PTPRQ: variants seen among roughly 807,000 people sequenced by gnomAD.
The protein encoded by PTPRQ is phosphatidylinositol phosphatase PTPRQ.
Under a neutral mutation model 246.0 loss-of-function variants are expected in PTPRQ, and 199 were observed. The ratio of observed to expected loss-of-function variants is 0.81; its 90% CI spans 0.72 to 0.91. The LOEUF is 0.91. Among genes scored for constraint, PTPRQ ranks in the 40% least tolerant of loss-of-function variants. The probability of loss-of-function intolerance (pLI) is 0.00; values close to 1 mark genes in which losing one functional copy is unlikely to be tolerated. For synonymous variants in PTPRQ, 869 were observed against 853.2 expected (o/e 1.02, Z -0.32); for missense variants, 2,624 against 2,528.4 (o/e 1.04, Z -0.81).
At chr12:80,582,431 G>GAT (rs1254064404) in intron 25 of PTPRQ, among the ~76,000 whole-genome samples, 1 of 152,156 alleles carries the variant, frequency 6.6e-6, no homozygotes, top group African/African-American at 2.4e-5. Flanking sequence ...CTCCCTGTGT[G>GAT]ATGCTATTAG....
intron 17 of PTPRQ, among the ~76,000 whole-genome samples, chr12:80,514,852 C>T (rs960867309): frequency 1.4e-5 from 2 of 146,470 alleles, no homozygotes; most frequent in Non-Finnish European, 3.0e-5. Context: ...ATGGATGACT[C>T]AGTGGAAAAG....
rs1044039018 is a variant in PTPRQ at position 80,459,458 on chromosome 12, T to C, written c.635T>C (p.Leu212Ser). The C allele has an allele frequency of 7.5e-6, 3 of 398,376 alleles. No individual in the cohort carries two copies. Among genetic ancestry groups the C allele is most frequent in the African/African-American group, 6.2e-5 (3 of 48,640 alleles). The allele number at this position is 398,376 out of a possible 1,614,324, so 24.7% of individuals were successfully genotyped here. A position where few individuals can be genotyped will look rare whatever the true frequency, so the allele number is the denominator to read the frequency against. The change falls in exon 5 of 45, where the codon TTG becomes TCG. Residue 212 changes from leucine to serine, a missense_variant. Leu to Ser is a moderately radical substitution (Grantham distance 145, BLOSUM62 -2). Transcript: ENST00000644991. The part of the protein sequence containing the change: ...KDVSIRVEDI[L>S]TGKLPECNEN... ...GTCTCAATCAGAGTAGAGGACATTT[T>C]GACTGGGAAATTGCCAGAATGCAAT...
rs116994368 is a variant in PTPRQ at position 80,524,666 on chromosome 12, G to A, written c.2679-9349G>A. ...CTTAGGATTGTATTTTTAGCTTACC[G>A]TGTACTAGTTACCATTTTGAGACAA... On this transcript the variant is annotated intron_variant, in intron 17 of 44. Transcript: ENST00000644991. Among the ~76,000 whole-genome samples, 1,255 of 152,022 alleles carry A rather than the reference G, an allele frequency of 8.3e-3. 12 individuals carry two copies. The highest frequency in any genetic ancestry group is 0.027 in the Middle Eastern group (8 of 294).
At chr12:80,498,379 G>T (rs1894693146) in intron 14 of PTPRQ, among the ~76,000 whole-genome samples, 1 of 151,988 alleles carries the variant, frequency 6.6e-6, no homozygotes, top group African/African-American at 2.4e-5. Context: ...AAAATGGAGG[G>T]TTTGAGAGGT....
intron 17 of PTPRQ, among the ~76,000 whole-genome samples, chr12:80,523,279 G>A (rs1215543990): frequency 6.6e-6 from 1 of 151,900 alleles, no homozygotes; most frequent in South Asian, 2.1e-4. Context: ...TCTTGCTAGT[G>A]GTCTATCAAT....
intron 19 of PTPRQ, among the ~76,000 whole-genome samples, chr12:80,536,094 G>C (rs535782328): frequency 6.6e-6 from 1 of 152,004 alleles, no homozygotes; most frequent in Non-Finnish European, 1.5e-5. Flanking sequence ...GCGAGAGAGC[G>C]AGACTCCATC....
At chr12:80,597,630 G>T (rs1451685331) in intron 26 of PTPRQ, among the ~76,000 whole-genome samples, 2 of 151,934 alleles carry the variant, frequency 1.3e-5, no homozygotes, top group East Asian at 3.9e-4. Context: ...TCTAAGAGTT[G>T]TAATCATTGG....
In PTPRQ at chr12:80,468,761, C is replaced by A. The variant is rs1592544219; in HGVS notation, c.962C>A (p.Ser321Tyr). ...GTAACAGGCAACATCACAGGAAAGTCCTTTTCAATTTTATGGGACCCACCA... is the reference window on the plus strand; with the variant it reads ...GTAACAGGCAACATCACAGGAAAGTACTTTTCAATTTTATGGGACCCACCA... ...NCVTGNITGK[S>Y]FSILWDPPTI... The change falls in exon 7 of 45, where the codon TCC (serine) becomes TAC (tyrosine). Residue 321 changes from serine to tyrosine, a missense_variant. Ser to Tyr is a moderately radical substitution (Grantham distance 144). Transcript: ENST00000644991. 1.9e-6 allele frequency: 3 copies of A among 1,550,184 alleles called. No individual in the cohort carries two copies. The South Asian group carries it at 3.6e-5, about 19-fold the overall frequency.
At chr12:80,627,242 G>A (rs1310566346) in intron 33 of PTPRQ, among the ~76,000 whole-genome samples, 2 of 151,470 alleles carry the variant, frequency 1.3e-5, no homozygotes, top group African/African-American at 4.9e-5. Flanking sequence ...GTAACTTTTA[G>A]TAAATTATTT....
At chr12:80,580,031 G>T (rs1283316948) in intron 25 of PTPRQ, among the ~76,000 whole-genome samples, 1 of 152,106 alleles carries the variant, frequency 6.6e-6, no homozygotes, top group Non-Finnish European at 1.5e-5. Flanking sequence ...CCAGGTCAAT[G>T]AGAAGTCAAT....
At chr12:80,547,583 A>T (rs1193278529) in intron 24 of PTPRQ, among the ~76,000 whole-genome samples, 1 of 152,174 alleles carries the variant, frequency 6.6e-6, no homozygotes, top group African/African-American at 2.4e-5. Context: ...CAAAATAAAT[A>T]GCATTTATAA....
chr12:80,445,995 T>C (rs879391177), intron 3 of PTPRQ, among the ~76,000 whole-genome samples: 34 of 151,864 alleles, frequency 2.2e-4, no homozygotes, highest in Admixed American at 2.0e-3. Flanking sequence ...TATAATACAA[T>C]ACTCTAGGAA....
chr12:80,674,101 A>G (rs1353881721), intron 43 of PTPRQ, among the ~76,000 whole-genome samples: 1 of 152,188 alleles, frequency 6.6e-6, no homozygotes, highest in Admixed American at 6.6e-5. Flanking sequence ...GATAAGTGCC[A>G]GAGCCAAAAT....
chr12:80,624,003 C>T (rs971454747), intron 33 of PTPRQ, among the ~76,000 whole-genome samples: 1 of 152,182 alleles, frequency 6.6e-6, no homozygotes, highest in Non-Finnish European at 1.5e-5. Flanking sequence ...TCTTTCCACT[C>T]ACAGTCAAGG....
chr12:80,527,744 G>A (rs1895729913), intron 17 of PTPRQ, among the ~76,000 whole-genome samples: 1 of 152,028 alleles, frequency 6.6e-6, no homozygotes, highest in Admixed American at 6.6e-5. Context: ...TCAGCACTTT[G>A]GGAGGCCAAG....
Position 80,678,592 on chromosome 12 carries a change from T to C in PTPRQ, c.6739-10T>C. ...TATATTTGTTTAACCACTCTGTCTTTGGTGTCTAGGCACAGTATATCTTTT... is the reference window on the plus strand; with the variant it reads ...TATATTTGTTTAACCACTCTGTCTTCGGTGTCTAGGCACAGTATATCTTTT... On this transcript the variant is annotated splice_polypyrimidine_tract_variant and intron_variant, in intron 43 of 44. Transcript: ENST00000644991. 1 of 1,540,678 alleles carries C rather than the reference T, an allele frequency of 6.5e-7. No individual in the cohort carries two copies. The highest frequency in any genetic ancestry group is 8.8e-7 in the Non-Finnish European group (1 of 1,142,316).
chr12:80,641,909 TTCTC>T (rs768934412), intron 35 of PTPRQ, among the ~76,000 whole-genome samples: 12 of 150,462 alleles, frequency 8.0e-5, no homozygotes, highest in Non-Finnish European at 1.3e-4. Context: ...CTCTCTCTCT[TTCTC>T]TCCCTCCTTC....
At chr12:80,540,486 A>G (rs61951993) in intron 20 of PTPRQ, among the ~76,000 whole-genome samples, 8,274 of 152,076 alleles carry the variant, frequency 0.054, 295 homozygotes, top group East Asian at 0.16. Flanking sequence ...TTATGTTTCA[A>G]TTTTCAGAAT....
At chr12:80,457,216 T>C (rs1308903331) in intron 3 of PTPRQ, among the ~76,000 whole-genome samples, 1 of 152,122 alleles carries the variant, frequency 6.6e-6, no homozygotes, top group African/African-American at 2.4e-5. Flanking sequence ...ACATGGTCTC[T>C]TGCATTTGTT....
Sources: gnomAD v4.1 joint callset for allele counts (sites outside exome capture counted in the v4.1 genomes callset) on GRCh38, gnomAD v4.1.1 for gene constraint, MANE v1.5 for transcripts, NCBI Gene and HGNC (gene_info 2026-07-23, HGNC 2026-07-21) for gene names.